CSMD1: variants seen among roughly 807,000 people sequenced by gnomAD.
CSMD1 encodes CUB and sushi domain-containing protein 1.
Under a neutral mutation model 417.5 loss-of-function variants are expected in CSMD1, and 213 were observed. The observed-to-expected ratio is 0.51, with a 90% CI of 0.46 to 0.57. CSMD1 has a LOEUF of 0.57. Ranked by LOEUF, CSMD1 falls within the 20% of genes least tolerant of loss-of-function variation. CSMD1 has a pLI of 0.00. For synonymous variants in CSMD1, 2,862 were observed against 1,736.8 expected, an observed-to-expected ratio of 1.65 and a Z score of -16.11; for missense variants, 6,923 against 4,529.7, an observed-to-expected ratio of 1.53 and a Z score of -15.17.
intron 1 of CSMD1, among the ~76,000 whole-genome samples, chr8:4,912,948 G>A (rs926767237): frequency 6.6e-6 from 1 of 152,100 alleles, no homozygotes; most frequent in East Asian, 1.9e-4. Flanking sequence ...ACCTCACCCA[G>A]CTAATTTGTT....
chr8:3,412,045 C>CGTGTAT, intron 12 of CSMD1, among the ~76,000 whole-genome samples: 3 of 46,518 alleles, frequency 6.4e-5, no homozygotes, highest in Non-Finnish European at 8.3e-5. Context: ...CACATATATA[C>CGTGTAT]ACGTATATAT....
At chr8:4,120,109 A>G (rs1802396999) in intron 3 of CSMD1, among the ~76,000 whole-genome samples, 1 of 152,198 alleles carries the variant, frequency 6.6e-6, no homozygotes, top group African/African-American at 2.4e-5. Flanking sequence ...TGGACACCCC[A>G]TTATCCATGA....
At chr8:3,990,018 T>C (rs1814625574) in intron 5 of CSMD1, among the ~76,000 whole-genome samples, 1 of 152,172 alleles carries the variant, frequency 6.6e-6, no homozygotes, top group Non-Finnish European at 1.5e-5. Context: ...AGTTGGCTGA[T>C]TTGAGGAATA....
At chr8:3,862,480 G>C (rs183685814) in intron 5 of CSMD1, among the ~76,000 whole-genome samples, 126 of 152,240 alleles carry the variant, frequency 8.3e-4, no homozygotes, top group African/African-American at 3.0e-3. Context: ...CCTTTCGCCA[G>C]AACTCAAAGT....
intron 7 of CSMD1, among the ~76,000 whole-genome samples, chr8:3,647,668 G>C (rs1797645827): frequency 1.3e-5 from 2 of 152,178 alleles, no homozygotes; most frequent in Non-Finnish European, 1.5e-5. Context: ...TTGTGAATTT[G>C]AAAGTTTTAG....
chr8:3,050,730 A>T (rs1811765618), intron 50 of CSMD1, among the ~76,000 whole-genome samples: 1 of 152,210 alleles, frequency 6.6e-6, no homozygotes, highest in African/African-American at 2.4e-5. Context: ...GAAATAAAGA[A>T]AAATAAAAGC....
chr8:3,706,145 T>C (rs895412946), intron 7 of CSMD1, among the ~76,000 whole-genome samples: 3 of 152,206 alleles, frequency 2.0e-5, no homozygotes, highest in African/African-American at 2.4e-5. Context: ...CCATTTACTA[T>C]GGAAGGCTCC....
At chr8:4,903,728 A>C (rs12678783) in intron 1 of CSMD1, among the ~76,000 whole-genome samples, 28,897 of 152,156 alleles carry the variant, frequency 0.19, 3,639 homozygotes, top group East Asian at 0.53. Flanking sequence ...AACACAGATG[A>C]AGCAGTCAGA....
At chr8:4,774,912 G>A (rs1796771248) in intron 1 of CSMD1, among the ~76,000 whole-genome samples, 1 of 152,174 alleles carries the variant, frequency 6.6e-6, no homozygotes, top group South Asian at 2.1e-4. Context: ...AAGCCAGGCA[G>A]CTTCCAGCAT....
chr8:3,920,588 T>C (rs942630420), intron 5 of CSMD1, among the ~76,000 whole-genome samples: 4 of 152,188 alleles, frequency 2.6e-5, no homozygotes, highest in Non-Finnish European at 5.9e-5. Context: ...CAGCTTTTCA[T>C]CATTATGTAC....
chr8:3,139,040 A>C (rs1403849548), intron 41 of CSMD1, among the ~76,000 whole-genome samples: 1 of 152,154 alleles, frequency 6.6e-6, no homozygotes, highest in Non-Finnish European at 1.5e-5. Context: ...GATTCCAGGA[A>C]CACTGCACCT....
intron 5 of CSMD1, among the ~76,000 whole-genome samples, chr8:3,856,327 C>T (rs954247402): frequency 6.6e-6 from 1 of 152,104 alleles, no homozygotes; most frequent in Admixed American, 6.6e-5. Flanking sequence ...TGAGGCTGCC[C>T]CAGAAGCTGC....
intron 12 of CSMD1, among the ~76,000 whole-genome samples, chr8:3,434,111 T>C (rs1424815794): frequency 3.9e-5 from 6 of 152,230 alleles, no homozygotes; most frequent in Admixed American, 3.3e-4. Flanking sequence ...AGAGTAACCT[T>C]AGAATTATAT....
intron 7 of CSMD1, among the ~76,000 whole-genome samples, chr8:3,673,726 T>G (rs1328594437): frequency 1.3e-5 from 2 of 152,180 alleles, no homozygotes; most frequent in African/African-American, 4.8e-5. Context: ...GCACTGCATT[T>G]TAGTCCACGA....
intron 54 of CSMD1, among the ~76,000 whole-genome samples, chr8:2,982,396 A>G (rs915528657): frequency 6.6e-6 from 1 of 152,104 alleles, no homozygotes; most frequent in African/African-American, 2.4e-5. Flanking sequence ...ATGGATAAAC[A>G]TAAGGTCCTA....
chr8:4,072,085 C>A (rs1457398321), intron 3 of CSMD1, among the ~76,000 whole-genome samples: 2 of 152,166 alleles, frequency 1.3e-5, no homozygotes, highest in Non-Finnish European at 2.9e-5. Flanking sequence ...ACATGCTTGA[C>A]CTGAAAATCA....
intron 3 of CSMD1, among the ~76,000 whole-genome samples, chr8:4,324,463 C>G (rs1307871293): frequency 6.6e-6 from 1 of 152,198 alleles, no homozygotes; most frequent in Non-Finnish European, 1.5e-5. Flanking sequence ...GCAAACCAAG[C>G]TTCTTTTCTG....
At chr8:4,079,642 G>A (rs140963957) in intron 3 of CSMD1, among the ~76,000 whole-genome samples, 1 of 152,180 alleles carries the variant, frequency 6.6e-6, no homozygotes, top group African/African-American at 2.4e-5. Context: ...TTGATACACA[G>A]ACACATTGTT....
chr8:3,619,525 G>A (rs750433209), intron 7 of CSMD1, among the ~76,000 whole-genome samples: 6 of 152,008 alleles, frequency 3.9e-5, no homozygotes, highest in Non-Finnish European at 7.4e-5. Context: ...AACAATTATA[G>A]ATATGAATTT....
Sources: allele counts gnomAD v4.1 joint callset (sites outside exome capture counted in the v4.1 genomes callset), GRCh38; gene constraint gnomAD v4.1.1; transcripts MANE v1.5; gene names NCBI Gene and HGNC (gene_info 2026-07-23, HGNC 2026-07-21).